The following TPD52L3 variants were observed in gnomAD, a reference collection of about 807,000 sequenced individuals.
TPD52L3 encodes the protein TPD52 like 3, also known as tumor protein D55.
A neutral mutation model predicts 8.7 loss-of-function variants in TPD52L3; 12 were observed. That is an observed-to-expected ratio of 1.38 (90% confidence interval 0.89 to 2.24). TPD52L3 has a LOEUF of 2.24. TPD52L3 is among the 30% of genes most tolerant of loss of function. TPD52L3 has a pLI of 0.00. For synonymous variants in TPD52L3, 79 were observed against 66.8 expected, an observed-to-expected ratio of 1.18 and a Z score of -0.89; for missense variants, 207 against 158.7, an observed-to-expected ratio of 1.30 and a Z score of -1.64.
intron 1 of TPD52L3, chr9:6,329,664 A>C: frequency 1.0e-6 from 1 of 1,001,772 alleles, no homozygotes; most frequent in Non-Finnish European, 1.2e-6. Flanking sequence ...CTTTTATTTT[A>C]AAAAGATGAT....
chr9:6,328,750 C>T lies in TPD52L3; in HGVS notation c.155C>T (p.Ala52Val). 2.5e-6 allele frequency: 4 copies of T among 1,614,150 alleles called. No homozygotes were observed. The highest frequency in any genetic ancestry group is 3.4e-6 in the Non-Finnish European group (4 of 1,180,034). ...GTAACCCTACGCCACGTACTAGCAG[C>T]CAAAGAGAGACGCTGTGGGGAACTC... The part of the protein sequence containing the change: ...EIVTLRHVLA[A>V]KERRCGELKR... Residue 52 changes from alanine (A) to valine (V), a missense_variant, in exon 1 of 2, where the codon GCC becomes GTC. Ala to Val is a moderately conservative substitution (Grantham distance 64). Transcript: ENST00000314556.
At chr9:6,329,403 C>T in intron 1 of TPD52L3, 1 of 1,063,324 alleles carries the variant, frequency 9.4e-7, no homozygotes, top group South Asian at 3.6e-5. Context: ...ACGAAATGTG[C>T]CATTATATTA....
chr9:6,330,563 A>T, intron 1 of TPD52L3: 1 of 1,173,866 alleles, frequency 8.5e-7, no homozygotes, highest in Non-Finnish European at 1.1e-6. Flanking sequence ...CACTATAAAT[A>T]CAAAAGCATC....
rs1818156477 is a variant in TPD52L3 at position 6,331,857 on chromosome 9, G to T, written c.*838G>T. ...TTGGCTTTTTTGTATCAGTGGTCAT[G>T]GGCACCAAATAAAATGCTTCCATGA... On this transcript the variant is annotated 3_prime_UTR_variant, in exon 2 of 2. Transcript: ENST00000314556. 6.6e-6 allele frequency: 1 copy of T among 152,096 alleles called. No individual in the cohort carries two copies. The highest frequency in any genetic ancestry group is 2.1e-4 in the South Asian group (1 of 4,828). 9.4% of individuals were successfully genotyped at this position (152,096 alleles called of 1,614,324 possible).
At chr9:6,329,172 C>CT (rs947615474) in intron 1 of TPD52L3, 25 of 1,454,972 alleles carry the variant, frequency 1.7e-5, no homozygotes, top group African/African-American at 1.6e-4. Context: ...AATGAGCCCC[C>CT]TTGGTAACCT....
rs142406344 is a variant in TPD52L3, at chr9:6,330,219, T to C, written c.368-757T>C. The C allele has an allele frequency of 1.8e-4, 286 of 1,613,902 alleles. 6 individuals carry two copies. The South Asian group carries it at 2.8e-3, about 16-fold the overall frequency. On this transcript the variant is annotated intron_variant, in intron 1 of 1. Transcript: ENST00000314556. The stretch of plus-strand genomic sequence containing the variant: ...GAGAAGGAAGCAGAATATAACCCTC[T>C]GGAGAGCTCAAGACAGTAGGAACCT...
intron 1 of TPD52L3, chr9:6,330,358 T>TA: frequency 1.5e-5 from 22 of 1,464,560 alleles, no homozygotes; most frequent in Non-Finnish European, 2.0e-5. Flanking sequence ...TTCACTCCTC[T>TA]AGACACACTG....
In TPD52L3 at chr9:6,328,825, C is replaced by G; in HGVS notation, c.230C>G (p.Ser77Cys). 6.2e-7 allele frequency: 1 copy of G among 1,614,202 alleles called. No homozygotes were observed. Among genetic ancestry groups the G allele is most frequent in the Non-Finnish European group, 8.5e-7 (1 of 1,180,042 alleles). The change falls in exon 1 of 2, where the codon TCC becomes TGC. Residue 77 changes from serine to cysteine, a missense_variant. Physicochemically the swap from Ser to Cys is moderately radical, Grantham distance 112 (BLOSUM62 -1). Coordinates refer to ENST00000314556, the MANE Select transcript of TPD52L3 (RefSeq NM_001001874.3). The stretch of plus-strand genomic sequence containing the variant: ...TTGGTAGGGCTGAGACAGAATCTGT[C>G]CAAGAGCTGGCTTGATGTTCAGGTC... The part of the protein sequence containing the change: ...TALVGLRQNL[S>C]KSWLDVQVSN...
intron 1 of TPD52L3, chr9:6,329,395 G>A (rs1306605551): frequency 8.5e-6 from 9 of 1,064,614 alleles, no homozygotes; most frequent in East Asian, 8.0e-5. Context: ...GTTTGTAGAC[G>A]AAATGTGCCA....
intron 1 of TPD52L3, 74 bp from the exon 2 acceptor site, chr9:6,330,902 A>T: frequency 1.3e-6 from 2 of 1,580,910 alleles, no homozygotes; most frequent in African/African-American, 2.7e-5. Flanking sequence ...TTCCCCAATA[A>T]ATTCTCAACT....
chr9:6,330,923 A>G, intron 1 of TPD52L3, 53 bp from the exon 2 acceptor site: 1 of 1,600,996 alleles, frequency 6.2e-7, no homozygotes, highest in Non-Finnish European at 8.5e-7. Context: ...CCGTAAAAGT[A>G]GTAAAGTACA....
Position 6,328,926 on chromosome 9 carries a change from G to A in TPD52L3, c.331G>A (p.Gly111Ser). ...CACTCTCATCTGCAGGAAGCTTGGAGGCGTGAAGAAGTCGGCCACATTCAG... is the reference window on the plus strand; with the variant it reads ...CACTCTCATCTGCAGGAAGCTTGGAAGCGTGAAGAAGTCGGCCACATTCAG... ...MGTLICRKLG[G>S]VKKSATFRSF... Residue 111 changes from glycine to serine, a missense_variant, in exon 1 of 2, where the codon GGC (glycine) becomes AGC (serine). By Grantham distance (56) the Gly-to-Ser change is moderately conservative. Transcript: ENST00000314556. The A allele has an allele frequency of 1.2e-6, 2 of 1,614,194 alleles. No homozygotes were observed. The highest frequency in any genetic ancestry group is 1.7e-6 in the Non-Finnish European group (2 of 1,180,030).
intron 1 of TPD52L3, chr9:6,330,739 C>A (rs1818136081): frequency 2.3e-6 from 3 of 1,289,752 alleles, no homozygotes; most frequent in Non-Finnish European, 3.0e-6. Context: ...AAGAGGTGAG[C>A]CTGCAGCATA....
At chr9:6,329,825 A>T in intron 1 of TPD52L3, 7 of 1,096,686 alleles carry the variant, frequency 6.4e-6, no homozygotes, top group Non-Finnish European at 7.8e-6. Flanking sequence ...TTAGGAAATT[A>T]TTACTACTTT....
In TPD52L3 at chr9:6,331,359, G is replaced by C. The variant is rs534009216; in HGVS notation, c.*340G>C. On this transcript the variant is annotated 3_prime_UTR_variant, in exon 2 of 2. Coordinates refer to ENST00000314556, the MANE Select transcript of TPD52L3 (RefSeq NM_001001874.3). Reference sequence around the variant, plus strand: ...GAGACAGAAAGTCTTAGAGGACTAGGAGAAGTTTGCCAGACAGACAAGAAT... The same window carrying C: ...GAGACAGAAAGTCTTAGAGGACTAGCAGAAGTTTGCCAGACAGACAAGAAT... 18 of 186,430 alleles carry C rather than the reference G, an allele frequency of 9.7e-5. No individual in the cohort carries two copies. The highest frequency in any genetic ancestry group is 1.9e-4 in the Non-Finnish European group (17 of 90,754). The allele number at this position is 186,430 out of a possible 1,614,324, so 11.5% of individuals were successfully genotyped here.
chr9:6,330,137 A>T, intron 1 of TPD52L3: 1 of 1,612,148 alleles, frequency 6.2e-7, no homozygotes, highest in Non-Finnish European at 8.5e-7. Context: ...AATGGACCTA[A>T]CTATACATCT....
intron 1 of TPD52L3, chr9:6,330,399 G>A (rs1448645719): frequency 1.1e-5 from 15 of 1,415,044 alleles, no homozygotes; most frequent in Non-Finnish European, 1.2e-5. Flanking sequence ...CTTATTGGCT[G>A]TGGGCAGAGA....
In TPD52L3 at chr9:6,328,728, A is replaced by G; in HGVS notation, c.133A>G (p.Thr45Ala). 1 of 1,613,998 alleles carries G rather than the reference A, an allele frequency of 6.2e-7. No homozygotes were observed. Among genetic ancestry groups the G allele is most frequent in the Non-Finnish European group, 8.5e-7 (1 of 1,180,012 alleles). ...CACTAAATTGGAGGCTGAAATTGTA[A>G]CCCTACGCCACGTACTAGCAGCCAA... ...KLTKLEAEIV[T>A]LRHVLAAKER... is the part of the protein sequence containing the mutation. The change falls in exon 1 of 2, where the codon ACC becomes GCC. Residue 45 changes from threonine (T) to alanine (A), a missense_variant. Thr to Ala is a moderately conservative substitution (Grantham distance 58). Coordinates refer to ENST00000314556, the MANE Select transcript of TPD52L3 (RefSeq NM_001001874.3).
In TPD52L3 at chr9:6,329,925, A is replaced by C. The variant is rs567454407; in HGVS notation, c.367+963A>C. On this transcript the variant is annotated intron_variant, in intron 1 of 1. Transcript: ENST00000314556. ...GAGTGTTTTAAAGTTTAACCCTTGAAGCAGCATGTCTTTGCCATAGCAGCA... is the reference window on the plus strand; with the variant it reads ...GAGTGTTTTAAAGTTTAACCCTTGACGCAGCATGTCTTTGCCATAGCAGCA... 46 of 1,294,740 alleles carry C rather than the reference A, an allele frequency of 3.6e-5. 1 individual carries two copies. In the South Asian group the frequency reaches 1.4e-3, roughly 38 times the overall value. 80.2% of individuals were successfully genotyped at this position (1,294,740 alleles called of 1,614,324 possible). A position where few individuals can be genotyped will look rare whatever the true frequency, so the allele number is the denominator to read the frequency against.
Sources: allele counts gnomAD v4.1 joint callset, GRCh38; gene constraint gnomAD v4.1.1; transcripts MANE v1.5; gene names NCBI Gene and HGNC (gene_info 2026-07-23, HGNC 2026-07-21).